Variants in RABGAP1L observed in about 807,000 individuals in gnomAD.
RABGAP1L encodes RAB GTPase activating protein 1 like, also known as rab GTPase-activating protein 1-like.
RABGAP1L carries 63 observed loss-of-function variants against 137.7 expected under a neutral mutation model. That is an observed-to-expected ratio of 0.46 (90% CI 0.37 to 0.56). The LOEUF (loss-of-function observed/expected upper bound fraction) is 0.56. Ranked by LOEUF, RABGAP1L falls within the 20% of genes least tolerant of loss-of-function variation. The probability of loss-of-function intolerance (pLI) is 0.00; values close to 1 mark genes in which losing one functional copy is unlikely to be tolerated. For missense variants in RABGAP1L, 1,095 were observed against 1,244.0 expected (o/e 0.88, Z 1.80); for synonymous variants, 431 against 433.7 (o/e 0.99, Z 0.08).
intron 14 of RABGAP1L, among the ~76,000 whole-genome samples, chr1:174,657,290 C>G (rs987254240): frequency 5.3e-5 from 8 of 152,110 alleles, no homozygotes; most frequent in African/African-American, 1.9e-4. Flanking sequence ...CTATTTGAAA[C>G]TATTATTGTT....
chr1:174,716,107 T>C lies in RABGAP1L; in HGVS notation c.2169+13851T>C, dbSNP rs529682103. ...GTAAATGGTATGTGAATAGTTGTTA[T>C]TTGTTTTTAAGTTTACGTTATTTTT... is the stretch of plus-strand genomic sequence containing the variant. On this transcript the variant is annotated intron_variant, in intron 17 of 25. Transcript: ENST00000681986. Among the ~76,000 whole-genome samples, 18 of 152,378 alleles carry C rather than the reference T, an allele frequency of 1.2e-4. No homozygotes were observed. In the South Asian group the frequency reaches 2.1e-3, roughly 18 times the overall value.
rs532924893 is a variant in RABGAP1L at position 174,905,685 on chromosome 1, TA to T, written c.2341-51771del. Among the ~76,000 whole-genome samples, 392 of 152,100 alleles carry T rather than the reference TA, an allele frequency of 2.6e-3. 2 individuals are homozygous for T. Among genetic ancestry groups the T allele is most frequent in the South Asian group, 6.0e-3 (29 of 4,808 alleles). On this transcript the variant is annotated intron_variant, in intron 19 of 25. Coordinates refer to ENST00000681986, the MANE Select transcript of RABGAP1L (RefSeq NM_001366446.1). ...GGCCAACGTGATGAAACCTCATCTC[TA>T]CTAAAAATACCAAAATTAGCTGGAC...
chr1:174,610,286 A>C (rs1019045797), intron 13 of RABGAP1L, among the ~76,000 whole-genome samples: 1 of 140,492 alleles, frequency 7.1e-6, no homozygotes, highest in African/African-American at 2.7e-5. Context: ...ATTCCCACCT[A>C]TGAGTGAGAA....
intron 17 of RABGAP1L, among the ~76,000 whole-genome samples, chr1:174,731,723 C>T (rs965595721): frequency 6.6e-6 from 1 of 152,184 alleles, no homozygotes; most frequent in Admixed American, 6.5e-5. Flanking sequence ...AGGCTAGATT[C>T]TATAGGCATA....
chr1:174,358,372 T>G (rs1416958071), intron 11 of RABGAP1L, among the ~76,000 whole-genome samples: 1 of 152,230 alleles, frequency 6.6e-6, no homozygotes, highest in Admixed American at 6.5e-5. Context: ...AACTGAGCCC[T>G]CATTGGCTGT....
At chr1:174,380,263 T>C (rs901717479) in intron 12 of RABGAP1L, among the ~76,000 whole-genome samples, 17 of 152,196 alleles carry the variant, frequency 1.1e-4, no homozygotes, top group Admixed American at 9.8e-4. Context: ...TTTGGTTGTG[T>C]CTCTGCCTGG....
In RABGAP1L at chr1:174,838,917, CAAAAAAAAAAAAAAAAAAAA is replaced by C. The variant is rs58265128; in HGVS notation, c.2340+26975_2340+26994del. On this transcript the variant is annotated intron_variant, in intron 19 of 25. Transcript: ENST00000681986. Reference sequence around the variant, plus strand: ...TGGGCGACAAAGCGAGACTCCGTCTCAAAAAAAAAAAAAAAAAAAAAAAAAAAAAAAAAAAAATGACATGA... The same window carrying C: ...TGGGCGACAAAGCGAGACTCCGTCTCAAAAAAAAAAAAAAAAATGACATGA... Among the ~76,000 whole-genome samples, 140 of 22,460 alleles carry C rather than the reference CAAAAAAAAAAAAAAAAAAAA, an allele frequency of 6.2e-3. 2 individuals carry two copies. The South Asian group carries it at 0.064, about 10-fold the overall frequency. 14.7% of individuals were successfully genotyped at this position (22,460 alleles called of 152,430 possible).
At chr1:174,429,401 T>G (rs1652332471) in intron 13 of RABGAP1L, among the ~76,000 whole-genome samples, 1 of 152,126 alleles carries the variant, frequency 6.6e-6, no homozygotes, top group Non-Finnish European at 1.5e-5. Flanking sequence ...TGGCACTCTT[T>G]CCCACCAAGC....
chr1:174,691,123 G>A (rs891758365), intron 15 of RABGAP1L, among the ~76,000 whole-genome samples: 1 of 151,934 alleles, frequency 6.6e-6, no homozygotes, highest in Admixed American at 6.6e-5. Context: ...CCACCATGCC[G>A]GGCCCATTCA....
chr1:174,294,119 A>G (rs550419393), intron 10 of RABGAP1L, among the ~76,000 whole-genome samples: 1 of 152,326 alleles, frequency 6.6e-6, no homozygotes, highest in Non-Finnish European at 1.5e-5. Context: ...GTCATAGTGA[A>G]TAAATACTAA....
At chr1:174,609,838 A>G (rs1460381206) in intron 13 of RABGAP1L, among the ~76,000 whole-genome samples, 2 of 152,122 alleles carry the variant, frequency 1.3e-5, no homozygotes, top group Non-Finnish European at 2.9e-5. Flanking sequence ...ACTTCTTTTC[A>G]TATAAAATGA....
At chr1:174,793,621 A>G (rs1688021116) in intron 18 of RABGAP1L, among the ~76,000 whole-genome samples, 1 of 152,198 alleles carries the variant, frequency 6.6e-6, no homozygotes, top group African/African-American at 2.4e-5. Flanking sequence ...AGCTTGAATA[A>G]TCCTTAAAGT....
At chr1:174,522,895 C>T (rs1328129353) in intron 13 of RABGAP1L, among the ~76,000 whole-genome samples, 1 of 152,134 alleles carries the variant, frequency 6.6e-6, no homozygotes, top group African/African-American at 2.4e-5. Context: ...GAAATCTGCT[C>T]CCATGATTCC....
At chr1:174,251,988 C>A (rs995092440) in intron 6 of RABGAP1L, among the ~76,000 whole-genome samples, 1 of 151,874 alleles carries the variant, frequency 6.6e-6, no homozygotes, top group Non-Finnish European at 1.5e-5. Context: ...CCTCTGCCTC[C>A]TGGGTTCAAC....
Position 174,893,768 on chromosome 1 carries a change from C to T in RABGAP1L, c.2341-63689C>T, listed in dbSNP as rs187477614. 7.1e-4 allele frequency among the ~76,000 whole-genome samples: 108 copies of T among 152,234 alleles called. 1 individual carries two copies. The highest frequency in any genetic ancestry group is 1.3e-3 in the Non-Finnish European group (91 of 68,032). Reference sequence around the variant, plus strand: ...CTTGGAAGGAGGTTAACTTTTCATACTCAAAAGCTCTCTTCTGGAAGAATC... The same window carrying T: ...CTTGGAAGGAGGTTAACTTTTCATATTCAAAAGCTCTCTTCTGGAAGAATC... On this transcript the variant is annotated intron_variant, in intron 19 of 25. Transcript: ENST00000681986.
chr1:174,969,448 C>A, intron 21 of RABGAP1L, 61 bp downstream of exon 21: 1 of 1,234,794 alleles, frequency 8.1e-7, no homozygotes, highest in Non-Finnish European at 1.2e-6. Flanking sequence ...TTGCCCTCAT[C>A]ACCGCCCCCA....
At chr1:174,377,867 G>T in intron 12 of RABGAP1L, among the ~76,000 whole-genome samples, 1 of 139,540 alleles carries the variant, frequency 7.2e-6, no homozygotes, top group Admixed American at 7.1e-5. Context: ...CATGTGCCAT[G>T]CTGGTGCGCT....
Position 174,543,687 on chromosome 1 carries a change from C to T in RABGAP1L, c.1711-93688C>T, listed in dbSNP as rs184049972. Among the ~76,000 whole-genome samples the T allele has an allele frequency of 1.3e-3, 201 of 152,228 alleles. 1 individual carries two copies. The highest frequency in any genetic ancestry group is 4.6e-3 in the African/African-American group (193 of 41,514). Reference sequence around the variant, plus strand: ...GTTAGTTGATGCAGTTTCTTCCTAGCCTCGATGGTCTTTACCATTTGGCAT... The same window carrying T: ...GTTAGTTGATGCAGTTTCTTCCTAGTCTCGATGGTCTTTACCATTTGGCAT... On this transcript the variant is annotated intron_variant, in intron 13 of 25. Coordinates refer to ENST00000681986, the MANE Select transcript of RABGAP1L (RefSeq NM_001366446.1).
intron 11 of RABGAP1L, among the ~76,000 whole-genome samples, chr1:174,338,731 G>A (rs16846861): frequency 0.23 from 34,135 of 151,498 alleles, 4,081 homozygotes; most frequent in Admixed American, 0.25. Flanking sequence ...TTGTTCCTTT[G>A]GAAAAGTGTA....
Sources: gnomAD v4.1 joint callset for allele counts (sites outside exome capture counted in the v4.1 genomes callset) on GRCh38, gnomAD v4.1.1 for gene constraint, MANE v1.5 for transcripts, NCBI Gene and HGNC (gene_info 2026-07-23, HGNC 2026-07-21) for gene names.